CHL1: variants seen among roughly 807,000 people sequenced by gnomAD.
CHL1 encodes the protein neural cell adhesion molecule L1-like protein.
Under a neutral mutation model 141.9 loss-of-function variants are expected in CHL1, and 96 were observed. The ratio of observed to expected loss-of-function variants is 0.68; its 90% CI spans 0.57 to 0.80. The LOEUF (loss-of-function observed/expected upper bound fraction) is 0.80, where lower values mean the gene tolerates loss of function less well. Ranked by LOEUF, CHL1 falls within the 30% of genes least tolerant of loss-of-function variation. The pLI is 0.00. For synonymous variants in CHL1, 613 were observed against 502.2 expected, an observed-to-expected ratio of 1.22 and a Z score of -2.95; for missense variants, 1,820 against 1,457.2, an observed-to-expected ratio of 1.25 and a Z score of -4.05.
intron 2 of CHL1, among the ~76,000 whole-genome samples, chr3:298,843 T>G (rs1426882914): frequency 6.6e-6 from 1 of 152,202 alleles, no homozygotes; most frequent in African/African-American, 2.4e-5. Flanking sequence ...TTTTTTACCA[T>G]ATAAGATGAT....
chr3:228,355 G>GA (rs1202642639), intron 1 of CHL1, among the ~76,000 whole-genome samples: 14 of 152,088 alleles, frequency 9.2e-5, no homozygotes, highest in Admixed American at 9.2e-4. Flanking sequence ...CCAACCACCA[G>GA]AAAAATATTT....
intron 14 of CHL1, among the ~76,000 whole-genome samples, chr3:364,267 A>AT (rs1177352462): frequency 1.2e-4 from 18 of 152,056 alleles, no homozygotes; most frequent in Non-Finnish European, 2.5e-4. Context: ...CACAGACTAT[A>AT]TTTTTAAAGC....
chr3:233,821 G>A (rs1470075042), intron 1 of CHL1, among the ~76,000 whole-genome samples: 1 of 151,454 alleles, frequency 6.6e-6, no homozygotes, highest in Non-Finnish European at 1.5e-5. Flanking sequence ...CTCTATTATT[G>A]GGCACTTAGG....
Position 328,337 on chromosome 3 carries a change from T to G in CHL1, c.368T>G (p.Ile123Arg). 2 of 1,610,908 alleles carry G rather than the reference T, an allele frequency of 1.2e-6. No homozygotes were observed. Among genetic ancestry groups the G allele is most frequent in the Non-Finnish European group, 1.7e-6 (2 of 1,178,386 alleles). ...CTGGGAATCGCTATGTCAGAAGAAA[T>G]AGAATTTATAGTTCCAAGTAAGTAC... ...NKLGIAMSEE[I>R]EFIVPSVPKF... Residue 123 changes from isoleucine (I) to arginine (R), a missense_variant, in exon 5 of 28, where the codon ATA becomes AGA. By Grantham distance (97) the Ile-to-Arg change is moderately conservative. Transcript: ENST00000256509.
rs147227388 is a variant in CHL1 at position 373,161 on chromosome 3, C to T, written c.1752-4657C>T. ...GGGATGTGCTTCACTAGGGGGAAAC[C>T]GACTTGTCTGGGCTGCCTGGATTCC... On this transcript the variant is annotated intron_variant, in intron 15 of 27. Transcript: ENST00000256509. Among the ~76,000 whole-genome samples, 15 of 152,316 alleles carry T rather than the reference C, an allele frequency of 9.8e-5. No individual in the cohort carries two copies. The East Asian group carries it at 1.5e-3, about 16-fold the overall frequency.
At chr3:312,736 A>G (rs1347905282) in intron 2 of CHL1, among the ~76,000 whole-genome samples, 3 of 152,244 alleles carry the variant, frequency 2.0e-5, no homozygotes, top group Non-Finnish European at 4.4e-5. Flanking sequence ...GCTTTATATA[A>G]GACATCTTGC....
intron 2 of CHL1, among the ~76,000 whole-genome samples, chr3:257,341 T>A (rs993614444): frequency 6.6e-6 from 1 of 151,012 alleles, no homozygotes; most frequent in Non-Finnish European, 1.5e-5. Flanking sequence ...CTCCTTTTCT[T>A]CTTTTCTTCT....
At chr3:338,460 T>C (rs561078708) in intron 5 of CHL1, among the ~76,000 whole-genome samples, 1 of 152,344 alleles carries the variant, frequency 6.6e-6, no homozygotes, top group Non-Finnish European at 1.5e-5. Flanking sequence ...TTTATCTGAA[T>C]TGAGGTAGAC....
chr3:359,328 A>T (rs1703999008), intron 11 of CHL1, among the ~76,000 whole-genome samples: 1 of 151,580 alleles, frequency 6.6e-6, no homozygotes, highest in South Asian at 2.1e-4. Context: ...TTTTATTTTA[A>T]AGTCTCTCTC....
At chr3:209,980 C>A (rs954306785) in intron 1 of CHL1, among the ~76,000 whole-genome samples, 3 of 152,150 alleles carry the variant, frequency 2.0e-5, no homozygotes, top group Admixed American at 6.5e-5. Flanking sequence ...TGAGCTCATG[C>A]TATTTTCATC....
intron 16 of CHL1, among the ~76,000 whole-genome samples, chr3:378,481 C>A (rs1432720332): frequency 6.6e-6 from 1 of 152,170 alleles, no homozygotes; most frequent in Non-Finnish European, 1.5e-5. Context: ...AGTGTGCACA[C>A]TTCACTAGTA....
At chr3:228,244 A>C (rs993534437) in intron 1 of CHL1, among the ~76,000 whole-genome samples, 2 of 152,224 alleles carry the variant, frequency 1.3e-5, no homozygotes, top group Non-Finnish European at 2.9e-5. Context: ...GGAATGTTTG[A>C]AGAATCTTTT....
Position 236,019 on chromosome 3 carries a change from T to A in CHL1, c.-174-8594T>A, listed in dbSNP as rs1485698561. ...TTTCAGGTTTGACTATGCAACATGCTTGAAACATGGCCTCAAGGATTGTTT... is the reference window on the plus strand; with the variant it reads ...TTTCAGGTTTGACTATGCAACATGCATGAAACATGGCCTCAAGGATTGTTT... On this transcript the variant is annotated intron_variant, in intron 1 of 27. Transcript: ENST00000256509. Among the ~76,000 whole-genome samples, 8 of 152,178 alleles carry A rather than the reference T, an allele frequency of 5.3e-5. No individual in the cohort carries two copies. The South Asian group carries it at 8.3e-4, about 16-fold the overall frequency.
chr3:221,408 T>A (rs541667503), intron 1 of CHL1, among the ~76,000 whole-genome samples: 28 of 152,334 alleles, frequency 1.8e-4, no homozygotes, highest in Middle Eastern at 6.8e-3. Context: ...AAGATCGATA[T>A]CAACTTTTGT....
intron 5 of CHL1, among the ~76,000 whole-genome samples, chr3:330,963 C>G (rs1370839608): frequency 6.6e-6 from 1 of 152,126 alleles, no homozygotes; most frequent in Non-Finnish European, 1.5e-5. Flanking sequence ...ATCTCTCTCT[C>G]TCTCTCTCCC....
At chr3:324,141 C>T (rs1484294864) in intron 3 of CHL1, among the ~76,000 whole-genome samples, 1 of 146,328 alleles carries the variant, frequency 6.8e-6, no homozygotes, top group Non-Finnish European at 1.5e-5. Context: ...CTGAGACCAA[C>T]ACGTTGAGAA....
intron 2 of CHL1, among the ~76,000 whole-genome samples, chr3:276,445 T>C (rs866753855): frequency 6.6e-6 from 1 of 152,180 alleles, no homozygotes; most frequent in Non-Finnish European, 1.5e-5. Flanking sequence ...GTTTGCAGCA[T>C]GATTGGAATC....
rs941458378 is a variant in CHL1 at position 406,809 on chromosome 3, G to A, written c.*1098G>A. The A allele has an allele frequency of 4.6e-5, 7 of 151,956 alleles. No individual in the cohort carries two copies. Among genetic ancestry groups the A allele is most frequent in the African/African-American group, 1.7e-4 (7 of 41,404 alleles). 9.4% of individuals were successfully genotyped at this position (151,956 alleles called of 1,614,324 possible). On this transcript the variant is annotated 3_prime_UTR_variant, in exon 28 of 28. Transcript: ENST00000256509. ...AGTATTTGGGTTTTGTTCTTGTATT[G>A]CTTTCTTTCAACAGTTTCAAAATAA...
At chr3:321,350 C>T (rs958462503) in intron 3 of CHL1, among the ~76,000 whole-genome samples, 2 of 152,004 alleles carry the variant, frequency 1.3e-5, no homozygotes, top group South Asian at 2.1e-4. Context: ...TGAAATCTTT[C>T]GGCCTACACA....
Sources: allele counts gnomAD v4.1 joint callset (sites outside exome capture counted in the v4.1 genomes callset), GRCh38; gene constraint gnomAD v4.1.1; transcripts MANE v1.5; gene names NCBI Gene and HGNC (gene_info 2026-07-23, HGNC 2026-07-21).